Variants in RALYL observed in about 807,000 individuals in gnomAD.
RALYL encodes the protein RNA-binding Raly-like protein.
Under a neutral mutation model 35.1 loss-of-function variants are expected in RALYL, and 29 were observed. The ratio of observed to expected loss-of-function variants is 0.83; its 90% CI spans 0.61 to 1.13. The LOEUF (loss-of-function observed/expected upper bound fraction) is 1.13, where lower values mean the gene tolerates loss of function less well. Among genes scored for constraint, RALYL ranks in the 50% most tolerant of loss-of-function variants. The pLI is 0.00. For synonymous variants in RALYL, 120 were observed against 127.6 expected (o/e 0.94, Z 0.40); for missense variants, 359 against 360.4 (o/e 1.00, Z 0.03).
chr8:84,343,609 G>GATTT (rs574132680), intron 1 of RALYL, among the ~76,000 whole-genome samples: 70 of 151,734 alleles, frequency 4.6e-4, no homozygotes, highest in Middle Eastern at 3.4e-3. Context: ...AACACAATAT[G>GATTT]ATTTATTTAT....
chr8:84,413,403 T>G (rs1312918286), intron 1 of RALYL, among the ~76,000 whole-genome samples: 1 of 151,464 alleles, frequency 6.6e-6, no homozygotes, highest in Non-Finnish European at 1.5e-5. Flanking sequence ...CATTGTATGT[T>G]TACTGATGGA....
At chr8:84,776,306 CTACTG>C (rs1415488360) in intron 3 of RALYL, among the ~76,000 whole-genome samples, 2 of 152,120 alleles carry the variant, frequency 1.3e-5, no homozygotes, top group Non-Finnish European at 2.9e-5. Flanking sequence ...CCAGGGCTCT[CTACTG>C]TATGGTATTC....
At chr8:84,539,852 ATG>A (rs1564110350) in intron 2 of RALYL, among the ~76,000 whole-genome samples, 1,098 of 13,330 alleles carry the variant, frequency 0.082, 26 homozygotes, top group African/African-American at 0.13. Flanking sequence ...ATATATATAT[ATG>A]TATATATATA....
At chr8:84,444,170 T>C (rs1286805579) in intron 1 of RALYL, among the ~76,000 whole-genome samples, 3 of 151,844 alleles carry the variant, frequency 2.0e-5, no homozygotes, top group African/African-American at 4.8e-5. Flanking sequence ...CTCTACAAAA[T>C]ATAAAAATGT....
At chr8:84,543,590 G>A (rs574005254) in intron 2 of RALYL, among the ~76,000 whole-genome samples, 2 of 151,954 alleles carry the variant, frequency 1.3e-5, no homozygotes, top group East Asian at 3.9e-4. Context: ...AATTTTATGA[G>A]CTCAGGGATT....
At chr8:84,779,690 G>C (rs1445624707) in intron 3 of RALYL, among the ~76,000 whole-genome samples, 1 of 152,208 alleles carries the variant, frequency 6.6e-6, no homozygotes, top group Non-Finnish European at 1.5e-5. Flanking sequence ...TGGTCACCAT[G>C]AATGTGGGTT....
chr8:84,859,310 G>A (rs1428066119), intron 5 of RALYL, among the ~76,000 whole-genome samples: 1 of 152,036 alleles, frequency 6.6e-6, no homozygotes. Context: ...GGGCGCAAAG[G>A]GAGTAGCCTC....
At chr8:84,432,172 T>C (rs2047215351) in intron 1 of RALYL, among the ~76,000 whole-genome samples, 1 of 152,142 alleles carries the variant, frequency 6.6e-6, no homozygotes, top group Admixed American at 6.6e-5. Flanking sequence ...AAACATGAGG[T>C]ATAAATATAG....
intron 2 of RALYL, among the ~76,000 whole-genome samples, chr8:84,591,776 G>A (rs1035746629): frequency 2.0e-5 from 3 of 152,096 alleles, no homozygotes; most frequent in Non-Finnish European, 4.4e-5. Context: ...TGATGATGGG[G>A]AAAAAGAAAG....
chr8:84,562,490 A>T lies in RALYL; in HGVS notation c.256+32913A>T, dbSNP rs557162471. Among the ~76,000 whole-genome samples, 3 of 152,068 alleles carry T rather than the reference A, an allele frequency of 2.0e-5. No homozygotes were observed. The South Asian group carries it at 6.2e-4, about 32-fold the overall frequency. ...ATGTTTCTACCAATATATTAATAAA[A>T]TTTGTTTTTTCCTTATAGTTATAAT... On this transcript the variant is annotated intron_variant, in intron 2 of 8. Coordinates refer to ENST00000521268, the MANE Select transcript of RALYL (RefSeq NM_173848.7).
chr8:84,690,329 T>C (rs1837768267), intron 2 of RALYL, among the ~76,000 whole-genome samples: 1 of 152,108 alleles, frequency 6.6e-6, no homozygotes. Context: ...TCTAAAAAAA[T>C]CAAATCCATA....
intron 1 of RALYL, among the ~76,000 whole-genome samples, chr8:84,351,749 T>C (rs1329153501): frequency 6.6e-6 from 1 of 150,422 alleles, no homozygotes; most frequent in Admixed American, 6.6e-5. Context: ...AGTATGGTTG[T>C]TCCATAACTT....
chr8:84,296,805 A>G (rs1223544768), intron 1 of RALYL, among the ~76,000 whole-genome samples: 3 of 151,846 alleles, frequency 2.0e-5, no homozygotes, highest in African/African-American at 7.3e-5. Flanking sequence ...GGGGACATGC[A>G]TACACTACTT....
At chr8:84,373,278 C>T (rs1856276314) in intron 1 of RALYL, among the ~76,000 whole-genome samples, 1 of 151,900 alleles carries the variant, frequency 6.6e-6, no homozygotes, top group Non-Finnish European at 1.5e-5. Context: ...GCATCTTCAT[C>T]ATGAAATCTT....
intron 1 of RALYL, among the ~76,000 whole-genome samples, chr8:84,471,076 A>G (rs1317300976): frequency 6.6e-6 from 1 of 152,156 alleles, no homozygotes; most frequent in Non-Finnish European, 1.5e-5. Flanking sequence ...TACTTTGTGA[A>G]ACTGGAATCA....
intron 7 of RALYL, among the ~76,000 whole-genome samples, chr8:84,875,478 G>T (rs1488584343): frequency 6.6e-6 from 1 of 151,876 alleles, no homozygotes; most frequent in African/African-American, 2.4e-5. Context: ...TTTTTCATGA[G>T]ATGTCACTTA....
intron 2 of RALYL, among the ~76,000 whole-genome samples, chr8:84,731,573 C>T (rs1049775800): frequency 1.1e-4 from 16 of 152,076 alleles, no homozygotes; most frequent in African/African-American, 3.9e-4. Context: ...TCTCCACTTT[C>T]ACTGCTACCT....
chr8:84,773,438 T>C (rs1256177741), intron 2 of RALYL, among the ~76,000 whole-genome samples: 4 of 152,216 alleles, frequency 2.6e-5, no homozygotes, highest in African/African-American at 9.6e-5. Flanking sequence ...AGATTTCCCT[T>C]TCTATCATCA....
At chr8:84,681,212 C>A (rs1835407190) in intron 2 of RALYL, among the ~76,000 whole-genome samples, 1 of 152,046 alleles carries the variant, frequency 6.6e-6, no homozygotes. Flanking sequence ...TGGTCTATAT[C>A]TCTGTTTTGG....
Sources: gnomAD v4.1 joint callset for allele counts (sites outside exome capture counted in the v4.1 genomes callset) on GRCh38, gnomAD v4.1.1 for gene constraint, MANE v1.5 for transcripts, NCBI Gene and HGNC (gene_info 2026-07-23, HGNC 2026-07-21) for gene names.